Variants in ELAVL2 observed in about 807,000 individuals in gnomAD.
ELAVL2 encodes ELAV like RNA binding protein 2, also known as ELAV-like protein 2.
In ELAVL2, 4 loss-of-function variants were observed where a neutral mutation model predicts 34.6. That is an observed-to-expected ratio of 0.12 (90% confidence interval 0.06 to 0.26). ELAVL2 has a LOEUF of 0.26. ELAVL2 is among the 10% of genes least tolerant of loss of function. The pLI is 1.00. For synonymous variants in ELAVL2, 193 were observed against 154.8 expected (o/e 1.25, Z -1.83); for missense variants, 432 against 442.8 (o/e 0.98, Z 0.22).
upstream of ELAVL2, among the ~76,000 whole-genome samples, chr9:23,830,761 G>A (rs1232736058): frequency 1.3e-5 from 2 of 151,812 alleles, no homozygotes; most frequent in East Asian, 1.9e-4. Context: ...TCAGATCGAC[G>A]ATTATTTTAT....
rs143491467 is a variant in ELAVL2, at chr9:23,729,891, G to C, written c.333+1131C>G. On this transcript the variant is annotated intron_variant, in intron 3 of 6. Transcript: ENST00000397312. ...ATTTCCAGATACCTGAAAAAAATGAGCAAAAATCTTTTACACAAGTCTCTA... is the reference window on the plus strand; with the variant it reads ...ATTTCCAGATACCTGAAAAAAATGACCAAAAATCTTTTACACAAGTCTCTA... Among the ~76,000 whole-genome samples, 457 of 152,154 alleles carry C rather than the reference G, an allele frequency of 3.0e-3. 2 individuals are homozygous for C. The highest frequency in any genetic ancestry group is 0.011 in the African/African-American group (439 of 41,524).
intron 5 of ELAVL2, among the ~76,000 whole-genome samples, chr9:23,701,079 T>C (rs1026131730): frequency 6.6e-6 from 1 of 152,028 alleles, no homozygotes; most frequent in African/African-American, 2.4e-5. Flanking sequence ...CCCCCACAGG[T>C]TGTGCCAACA....
intron 2 of ELAVL2, among the ~76,000 whole-genome samples, chr9:23,744,879 G>C (rs1449797582): frequency 6.6e-6 from 1 of 152,008 alleles, no homozygotes; most frequent in Non-Finnish European, 1.5e-5. Context: ...ATGACTTAAA[G>C]AAAATGAAGC....
At chr9:23,738,513 C>T (rs192329466) in intron 2 of ELAVL2, among the ~76,000 whole-genome samples, 1 of 152,226 alleles carries the variant, frequency 6.6e-6, no homozygotes, top group Admixed American at 6.5e-5. Context: ...AGCATTTCTA[C>T]CAGCTTCCCA....
At chr9:23,728,142 C>T (rs1199832919) in intron 3 of ELAVL2, among the ~76,000 whole-genome samples, 1 of 152,036 alleles carries the variant, frequency 6.6e-6, no homozygotes, top group East Asian at 1.9e-4. Flanking sequence ...TCCACTCTGA[C>T]TGTGGACAGA....
intron 2 of ELAVL2, among the ~76,000 whole-genome samples, chr9:23,747,033 A>T (rs779058733): frequency 6.6e-6 from 1 of 152,144 alleles, no homozygotes; most frequent in Non-Finnish European, 1.5e-5. Flanking sequence ...ACCATGAGGT[A>T]TACCACAAGA....
chr9:23,781,660 ACACACCAC>A (rs2059082303), intron 1 of ELAVL2, among the ~76,000 whole-genome samples: 1 of 151,262 alleles, frequency 6.6e-6, no homozygotes, highest in South Asian at 2.1e-4. Flanking sequence ...GACCACAGGT[ACACACCAC>A]CACACCCCGC....
chr9:23,726,768 G>A (rs1382634113), intron 3 of ELAVL2, among the ~76,000 whole-genome samples: 1 of 151,864 alleles, frequency 6.6e-6, no homozygotes, highest in East Asian at 1.9e-4. Context: ...AACCTAACAA[G>A]TCAAAAGTAT....
At chr9:23,769,837 A>C (rs1026027437) in intron 1 of ELAVL2, among the ~76,000 whole-genome samples, 2 of 152,180 alleles carry the variant, frequency 1.3e-5, no homozygotes, top group African/African-American at 4.8e-5. Flanking sequence ...CAAAGTACAC[A>C]GTCTCCTTCA....
At chr9:23,819,078 C>A (rs905585242) in intron 1 of ELAVL2, among the ~76,000 whole-genome samples, 1 of 152,104 alleles carries the variant, frequency 6.6e-6, no homozygotes, top group Non-Finnish European at 1.5e-5. Flanking sequence ...AGTGGGGTGG[C>A]AGGAGGGGAG....
intron 1 of ELAVL2, among the ~76,000 whole-genome samples, chr9:23,782,686 C>T (rs569002452): frequency 1.3e-3 from 200 of 152,288 alleles, no homozygotes; most frequent in Non-Finnish European, 2.1e-3. Context: ...AGACAATTAG[C>T]GTACGTTCCA....
chr9:23,701,681 A>G, intron 4 of ELAVL2, 77 bp from the exon 5 acceptor site: 1 of 1,461,366 alleles, frequency 6.8e-7, no homozygotes, highest in Non-Finnish European at 9.4e-7. Context: ...GGACACATTA[A>G]TTTTTCCTTC....
intron 3 of ELAVL2, among the ~76,000 whole-genome samples, chr9:23,722,829 T>C (rs184798491): frequency 1.1e-3 from 169 of 152,276 alleles, no homozygotes; most frequent in African/African-American, 3.8e-3. Flanking sequence ...AAAAAGATAA[T>C]AGTCCTATGA....
At chr9:23,761,873 A>T in intron 2 of ELAVL2, 133 bp downstream of exon 2, 2 of 1,212,470 alleles carry the variant, frequency 1.6e-6, no homozygotes, top group Non-Finnish European at 2.2e-6. Context: ...CATATTGCTG[A>T]TGTAATAACA....
intron 2 of ELAVL2, among the ~76,000 whole-genome samples, chr9:23,759,856 T>C (rs13294195): frequency 0.032 from 4,688 of 147,550 alleles, 83 homozygotes; most frequent in East Asian, 0.074. Context: ...TGGAATTTCT[T>C]GGGGACTCTA....
intron 2 of ELAVL2, among the ~76,000 whole-genome samples, chr9:23,733,574 T>C (rs2047126345): frequency 6.6e-6 from 1 of 152,186 alleles, no homozygotes; most frequent in African/African-American, 2.4e-5. Context: ...GTGTTTCTTC[T>C]AAAATCTTCA....
chr9:23,770,064 A>G (rs1206186567), intron 1 of ELAVL2, among the ~76,000 whole-genome samples: 1 of 152,234 alleles, frequency 6.6e-6, no homozygotes, highest in Non-Finnish European at 1.5e-5. Flanking sequence ...GAACATCTCC[A>G]TGCAGCTCCC....
At chr9:23,773,972 G>A (rs1360565010) in intron 1 of ELAVL2, among the ~76,000 whole-genome samples, 5 of 152,108 alleles carry the variant, frequency 3.3e-5, no homozygotes, top group Admixed American at 1.3e-4. Flanking sequence ...TGCACTTTGG[G>A]AGGCCGAGGC....
chr9:23,704,813 C>G (rs1382471995), intron 4 of ELAVL2, 105 bp downstream of exon 4: 3 of 1,438,748 alleles, frequency 2.1e-6, no homozygotes, highest in Non-Finnish European at 9.5e-7. Flanking sequence ...CCACATATAC[C>G]TTTGATATGT....
Sources: allele counts gnomAD v4.1 joint callset (sites outside exome capture counted in the v4.1 genomes callset), GRCh38; gene constraint gnomAD v4.1.1; transcripts MANE v1.5; gene names NCBI Gene and HGNC (gene_info 2026-07-23, HGNC 2026-07-21).